Variants in BRWD3 observed in about 807,000 individuals in gnomAD.
BRWD3 encodes the protein bromodomain and WD repeat domain containing 3.
Under a neutral mutation model 149.7 loss-of-function variants are expected in BRWD3, and 10 were observed. The observed-to-expected ratio is 0.07, with a 90% CI of 0.04 to 0.11. BRWD3 has a LOEUF of 0.11. Ranked by LOEUF, BRWD3 falls within the 10% of genes least tolerant of loss-of-function variation. The pLI, the probability that BRWD3 is intolerant of heterozygous loss-of-function variation, is 1.00. For missense variants in BRWD3, 940 were observed against 1,373.2 expected (o/e 0.68, Z 4.99); for synonymous variants, 504 against 456.7 (o/e 1.10, Z -1.32).
intron 25 of BRWD3, 64 bp from the exon 26 acceptor site, chrX:80,696,927 T>C: frequency 9.9e-7 from 1 of 1,012,506 alleles, no homozygotes. Context: ...TGTATAATAT[T>C]TCATTATTAC....
chrX:80,807,646 C>G (rs2074360619), intron 4 of BRWD3, among the ~76,000 whole-genome samples: 1 of 112,004 alleles, frequency 8.9e-6, no homozygotes, highest in Non-Finnish European at 1.9e-5. Flanking sequence ...AAAGGATCAC[C>G]TGTTTTTGTG....
At chrX:80,758,737 G>C (rs1242820249) in intron 6 of BRWD3, among the ~76,000 whole-genome samples, 2 of 110,479 alleles carry the variant, frequency 1.8e-5, no homozygotes, top group Non-Finnish European at 3.8e-5. Flanking sequence ...ATCTGTGTGG[G>C]AATAGCCACT....
At chrX:80,702,376 G>A (rs2072803110) in intron 24 of BRWD3, among the ~76,000 whole-genome samples, 1 of 111,956 alleles carries the variant, frequency 8.9e-6, no homozygotes, top group African/African-American at 3.2e-5. Flanking sequence ...AGTCTCATTA[G>A]GTCTTAGAGT....
intron 9 of BRWD3, 21 bp from the exon 10 acceptor site, chrX:80,735,218 T>C (rs1460879553): frequency 1.7e-6 from 2 of 1,169,773 alleles, no homozygotes; most frequent in South Asian, 3.6e-5. Flanking sequence ...AAATAAGGTG[T>C]TTTTGTGTTT....
chrX:80,697,894 G>A (rs752906746), intron 25 of BRWD3, among the ~76,000 whole-genome samples: 3 of 112,030 alleles, frequency 2.7e-5, no homozygotes, highest in Non-Finnish European at 5.6e-5. Flanking sequence ...ATTGCTTTCC[G>A]CAGTGGCTGA....
intron 14 of BRWD3, among the ~76,000 whole-genome samples, chrX:80,727,752 T>C (rs1275451618): frequency 9.0e-6 from 1 of 110,971 alleles, no homozygotes; most frequent in Non-Finnish European, 1.9e-5. Flanking sequence ...CTACTTATCT[T>C]TCAAAACTTA....
Position 80,724,917 on chromosome X carries a change from G to C in BRWD3, c.1521+16C>G, listed in dbSNP as rs2073196427. 2 of 1,209,126 alleles carry C rather than the reference G, an allele frequency of 1.7e-6. No homozygotes were observed. The highest frequency in any genetic ancestry group is 1.1e-6 in the Non-Finnish European group (1 of 893,546). On this transcript the variant is annotated intron_variant, in intron 15 of 40. Transcript: ENST00000373275. ...TTGGTTTTAATGTGAACTAGATACA[G>C]GTAGGTGTCTCTTACCATGTTAAAG... is the stretch of plus-strand genomic sequence containing the variant.
chrX:80,731,584 AAAC>A (rs2073330049), intron 12 of BRWD3, among the ~76,000 whole-genome samples: 1 of 111,380 alleles, frequency 9.0e-6, no homozygotes, highest in African/African-American at 3.3e-5. Flanking sequence ...TTTAAAAATA[AAAC>A]ATGATCATCC....
chrX:80,697,278 G>A (rs966051303), intron 25 of BRWD3, among the ~76,000 whole-genome samples: 2 of 111,575 alleles, frequency 1.8e-5, no homozygotes, highest in African/African-American at 3.3e-5. Flanking sequence ...TGTTTGGGGT[G>A]AAGACTTATA....
chrX:80,765,618 G>T (rs1001767905), intron 6 of BRWD3, among the ~76,000 whole-genome samples: 7 of 111,740 alleles, frequency 6.3e-5, no homozygotes, highest in Non-Finnish European at 1.3e-4. Context: ...TTGTAATGAG[G>T]TGTCTGTGTG....
intron 6 of BRWD3, among the ~76,000 whole-genome samples, chrX:80,785,544 C>T (rs902241868): frequency 4.5e-5 from 5 of 111,470 alleles, no homozygotes; most frequent in African/African-American, 1.3e-4. Context: ...ACTATACGAA[C>T]GACGGAAACA....
At chrX:80,687,707 G>C (rs1012784108) in intron 34 of BRWD3, among the ~76,000 whole-genome samples, 1 of 110,354 alleles carries the variant, frequency 9.1e-6, no homozygotes, top group Admixed American at 9.9e-5. Flanking sequence ...TGGAATCTTA[G>C]TACGTGCTAG....
intron 6 of BRWD3, among the ~76,000 whole-genome samples, chrX:80,766,981 T>A: frequency 8.9e-6 from 1 of 112,419 alleles, no homozygotes; most frequent in Non-Finnish European, 1.9e-5. Flanking sequence ...TCTCTGCGAA[T>A]CCCAAGCCCA....
chrX:80,679,223 G>A (rs761833041), intron 40 of BRWD3, among the ~76,000 whole-genome samples: 28 of 111,839 alleles, frequency 2.5e-4, no homozygotes, highest in Admixed American at 2.8e-4. Context: ...GGTGATAGCA[G>A]TAGAAACTAT....
intron 6 of BRWD3, among the ~76,000 whole-genome samples, chrX:80,747,399 G>A (rs778406484): frequency 2.7e-4 from 29 of 109,018 alleles, no homozygotes; most frequent in Admixed American, 5.0e-4. Flanking sequence ...ACACTAAGTC[G>A]TGACAAACAA....
At chrX:80,704,222 C>T (rs920813680) in intron 23 of BRWD3, among the ~76,000 whole-genome samples, 1 of 94,149 alleles carries the variant, frequency 1.1e-5, no homozygotes, top group Non-Finnish European at 2.2e-5. Context: ...CTCTGGGCAA[C>T]ATAAGACCCC....
chrX:80,809,826 G>A lies in BRWD3; in HGVS notation c.-355C>T, dbSNP rs2074395616. ...GAGACGCGGGGGGTGGGGGGGCGGA[G>A]AGAGAGAGAGAGAGAGAGATAGACG... On this transcript the variant is annotated 5_prime_UTR_variant, in exon 1 of 41. Transcript: ENST00000373275. 1 of 155,741 alleles carries A rather than the reference G, an allele frequency of 6.4e-6. No homozygotes were observed. The highest frequency in any genetic ancestry group is 1.2e-5 in the Non-Finnish European group (1 of 85,227). The allele number at this position is 155,741 out of a possible 1,213,427, so 12.8% of individuals were successfully genotyped here.
intron 25 of BRWD3, 32 bp downstream of exon 25, chrX:80,699,925 C>T (rs1169984551): frequency 9.4e-7 from 1 of 1,059,200 alleles, no homozygotes; most frequent in Admixed American, 2.3e-5. Flanking sequence ...AAGCTACTTC[C>T]ATTGCATAGC....
At chrX:80,750,330 A>G (rs1000023398) in intron 6 of BRWD3, among the ~76,000 whole-genome samples, 1 of 111,179 alleles carries the variant, frequency 9.0e-6, no homozygotes, top group Admixed American at 9.6e-5. Flanking sequence ...AAATACCTGC[A>G]TACCATCTAT....
Sources: gnomAD v4.1 joint callset for allele counts (sites outside exome capture counted in the v4.1 genomes callset) on GRCh38, gnomAD v4.1.1 for gene constraint, MANE v1.5 for transcripts, NCBI Gene and HGNC (gene_info 2026-07-23, HGNC 2026-07-21) for gene names.